The following SLC9C1 variants were observed in gnomAD, a reference collection of about 807,000 sequenced individuals.
SLC9C1 encodes solute carrier family 9 member C1.
In SLC9C1, 97 loss-of-function variants were observed where a neutral mutation model predicts 140.9. That is an observed-to-expected ratio of 0.69 (90% CI 0.58 to 0.82). The LOEUF (loss-of-function observed/expected upper bound fraction) is 0.82, where lower values mean the gene tolerates loss of function less well. Among genes scored for constraint, SLC9C1 ranks in the 40% least tolerant of loss-of-function variants. The probability of loss-of-function intolerance (pLI) is 0.00; values close to 1 mark genes in which losing one functional copy is unlikely to be tolerated. For missense variants in SLC9C1, 1,340 were observed against 1,389.3 expected (o/e 0.96, Z 0.56); for synonymous variants, 440 against 442.6 (o/e 0.99, Z 0.07).
At chr3:112,243,956 G>T in intron 11 of SLC9C1, 39 bp downstream of exon 11, 1 of 1,353,284 alleles carries the variant, frequency 7.4e-7, no homozygotes, top group Non-Finnish European at 1.0e-6. Context: ...TACTTAGAAT[G>T]TTTTTCTCTC....
intron 10 of SLC9C1, among the ~76,000 whole-genome samples, chr3:112,252,146 C>T (rs2079477244): frequency 6.6e-6 from 1 of 152,118 alleles, no homozygotes; most frequent in African/African-American, 2.4e-5. Flanking sequence ...GATGGGCCAC[C>T]ATCTTTGCTG....
At chr3:112,202,114 C>G in intron 18 of SLC9C1, 136 bp downstream of exon 18, 1 of 962,782 alleles carries the variant, frequency 1.0e-6, no homozygotes. Flanking sequence ...TAAATGTAAC[C>G]TAGTTTAAGT....
chr3:112,209,628 T>C (rs572858198), intron 15 of SLC9C1, among the ~76,000 whole-genome samples: 93 of 151,942 alleles, frequency 6.1e-4, no homozygotes, highest in Admixed American at 1.8e-3. Flanking sequence ...CTAGAGCTAA[T>C]AAACAAAATA....
At chr3:112,255,950 A>G (rs1445244516) in intron 10 of SLC9C1, among the ~76,000 whole-genome samples, 1 of 152,180 alleles carries the variant, frequency 6.6e-6, no homozygotes, top group East Asian at 1.9e-4. Context: ...TACTATGAAC[A>G]CCCCTATGCA....
chr3:112,288,183 TCTTC>T (rs1198859317), intron 1 of SLC9C1, among the ~76,000 whole-genome samples: 2 of 152,050 alleles, frequency 1.3e-5, no homozygotes, highest in African/African-American at 4.8e-5. Flanking sequence ...TTTTCTTATG[TCTTC>T]CTTTTTATTA....
intron 14 of SLC9C1, among the ~76,000 whole-genome samples, chr3:112,220,667 A>G (rs1293361290): frequency 1.3e-5 from 2 of 152,170 alleles, no homozygotes; most frequent in Admixed American, 1.3e-4. Context: ...TATTTTGGAG[A>G]CCTATATCTA....
chr3:112,180,575 C>T lies in SLC9C1; in HGVS notation c.2737G>A (p.Gly913Ser), dbSNP rs770890580. The T allele has an allele frequency of 7.5e-6, 12 of 1,607,420 alleles. No individual in the cohort carries two copies. Among genetic ancestry groups the T allele is most frequent in the Non-Finnish European group, 9.3e-6 (11 of 1,178,194 alleles). ...AACCTCTGCCTTACCTTTACCATGC[C>T]TGAAATAATGATATAGATTCCTTTG... is the stretch of plus-strand genomic sequence containing the variant. ...EPKGIYIIIS[G>S]MVKLEKSKPG... The change falls in exon 22 of 29, where the codon GGC (glycine) becomes AGC (serine). Residue 913 changes from glycine to serine, a missense_variant. Transcript: ENST00000305815.
intron 26 of SLC9C1, among the ~76,000 whole-genome samples, chr3:112,158,956 A>T (rs955754403): frequency 2.4e-4 from 37 of 151,696 alleles, no homozygotes; most frequent in African/African-American, 8.5e-4. Context: ...TTTAAAAAAA[A>T]ATATTTTTGC....
chr3:112,269,352 C>T (rs967000478), intron 7 of SLC9C1, among the ~76,000 whole-genome samples: 2 of 152,206 alleles, frequency 1.3e-5, no homozygotes, highest in East Asian at 1.9e-4. Flanking sequence ...TCAGTTGATC[C>T]TCCTGCCTCA....
chr3:112,277,671 A>G (rs1198506974), intron 5 of SLC9C1, 24 bp downstream of exon 5: 4 of 1,483,690 alleles, frequency 2.7e-6, no homozygotes, highest in Non-Finnish European at 3.6e-6. Context: ...TTATAAATAT[A>G]GAAAAAGAGA....
chr3:112,148,114 A>G (rs1321138614), intron 28 of SLC9C1, among the ~76,000 whole-genome samples: 1 of 152,188 alleles, frequency 6.6e-6, no homozygotes, highest in Non-Finnish European at 1.5e-5. Context: ...CAATTCCAGA[A>G]GCCCTGATTG....
intron 20 of SLC9C1, among the ~76,000 whole-genome samples, chr3:112,192,450 T>C (rs1005496002): frequency 2.0e-5 from 3 of 152,236 alleles, no homozygotes; most frequent in Non-Finnish European, 2.9e-5. Context: ...TAAGGTTAAA[T>C]AAAATTCCAT....
In SLC9C1 at chr3:112,179,630, A is replaced by C; in HGVS notation, c.2820T>G (p.Ile940Met). 2.5e-6 allele frequency: 4 copies of C among 1,611,518 alleles called. No homozygotes were observed. The highest frequency in any genetic ancestry group is 3.4e-6 in the Non-Finnish European group (4 of 1,179,004). ...VESKEKDFPI[I>M]DTDYMLSGEI... is the part of the protein sequence containing the mutation. ...CTCCACTGAGCATATAGTCTGTGTC[A>C]ATTATCGGAAAATCTTTCTCCTTTG... is the stretch of plus-strand genomic sequence containing the variant. Residue 940 changes from isoleucine to methionine, a missense_variant, in exon 23 of 29, where the codon ATT (isoleucine) becomes ATG (methionine). Transcript: ENST00000305815.
chr3:112,286,875 G>A lies in SLC9C1; in HGVS notation c.-84C>T. The A allele has an allele frequency of 1.2e-6, 1 of 851,264 alleles. No individual in the cohort carries two copies. 52.7% of individuals were successfully genotyped at this position (851,264 alleles called of 1,614,324 possible). A position where few individuals can be genotyped will look rare whatever the true frequency, so the allele number is the denominator to read the frequency against. ...TCTTGTTGTTTTTCACAGTCCATCT[G>A]AATCTAAGAAACATAAGATTTGCCT... is the stretch of plus-strand genomic sequence containing the variant. On this transcript the variant is annotated 5_prime_UTR_variant, in exon 2 of 29. An upstream open reading frame in the 5' UTR gains an earlier in-frame stop. Transcript: ENST00000305815.
At chr3:112,278,904 A>G (rs112273519) in intron 3 of SLC9C1, 47 bp from the exon 4 acceptor site, 1 of 1,518,550 alleles carries the variant, frequency 6.6e-7, no homozygotes, top group Admixed American at 2.2e-5. Flanking sequence ...CATCACTATT[A>G]GAATAGAATA....
chr3:112,245,956 C>CT (rs369200754), intron 10 of SLC9C1, among the ~76,000 whole-genome samples: 33 of 148,084 alleles, frequency 2.2e-4, no homozygotes, highest in South Asian at 6.4e-4. Flanking sequence ...ACTTAGTCAT[C>CT]TTTTTTTTTT....
intron 25 of SLC9C1, among the ~76,000 whole-genome samples, 182 bp from the exon 26 acceptor site, chr3:112,167,529 C>A (rs1013817082): frequency 2.0e-5 from 3 of 151,982 alleles, no homozygotes; most frequent in African/African-American, 7.3e-5. Flanking sequence ...GTAAAAGTCA[C>A]TATTCCATAT....
chr3:112,176,212 C>A (rs1208835639), intron 23 of SLC9C1, among the ~76,000 whole-genome samples: 1 of 152,178 alleles, frequency 6.6e-6, no homozygotes, highest in East Asian at 1.9e-4. Flanking sequence ...TCCTGGGACT[C>A]CTCATTCACT....
intron 12 of SLC9C1, among the ~76,000 whole-genome samples, chr3:112,239,199 C>G (rs1421017795): frequency 6.6e-6 from 1 of 152,236 alleles, no homozygotes; most frequent in Non-Finnish European, 1.5e-5. Flanking sequence ...GCAGTTTGAT[C>G]TCAGACTGCT....
Sources: gnomAD v4.1 joint callset for allele counts (sites outside exome capture counted in the v4.1 genomes callset) on GRCh38, gnomAD v4.1.1 for gene constraint, MANE v1.5 for transcripts, NCBI Gene and HGNC (gene_info 2026-07-23, HGNC 2026-07-21) for gene names.